DYNC1I1: variants seen among roughly 807,000 people sequenced by gnomAD.
DYNC1I1 encodes the protein dynein cytoplasmic 1 intermediate chain 1.
Under a neutral mutation model 86.6 loss-of-function variants are expected in DYNC1I1, and 43 were observed. The observed-to-expected ratio is 0.50, with a 90% confidence interval of 0.39 to 0.64. The LOEUF is 0.64. Among genes scored for constraint, DYNC1I1 ranks in the 30% least tolerant of loss-of-function variants. The pLI, the probability that DYNC1I1 is intolerant of heterozygous loss-of-function variation, is 0.00. For synonymous variants in DYNC1I1, 262 were observed against 283.7 expected (o/e 0.92, Z 0.77); for missense variants, 604 against 788.8 (o/e 0.77, Z 2.81).
chr7:95,952,524 C>G (rs772214402), intron 6 of DYNC1I1, among the ~76,000 whole-genome samples: 2 of 152,206 alleles, frequency 1.3e-5, no homozygotes, highest in Admixed American at 1.3e-4. Context: ...ACTTTACTAG[C>G]AAAACCTAAG....
chr7:95,844,358 A>G (rs564161179), intron 5 of DYNC1I1, among the ~76,000 whole-genome samples: 1 of 152,326 alleles, frequency 6.6e-6, no homozygotes, highest in African/African-American at 2.4e-5. Flanking sequence ...TCCTTCACAG[A>G]AGAAAGAACT....
intron 4 of DYNC1I1, among the ~76,000 whole-genome samples, chr7:95,816,159 A>G: frequency 6.6e-6 from 1 of 152,150 alleles, no homozygotes; most frequent in East Asian, 1.9e-4. Flanking sequence ...CTGGGACTAC[A>G]GCCATGCACC....
intron 6 of DYNC1I1, among the ~76,000 whole-genome samples, chr7:95,906,996 G>A (rs902959840): frequency 6.6e-6 from 1 of 152,116 alleles, no homozygotes; most frequent in African/African-American, 2.4e-5. Context: ...CAGAAATGTG[G>A]TTTCATAGTC....
At chr7:96,045,164 G>T (rs1241320797) in intron 14 of DYNC1I1, among the ~76,000 whole-genome samples, 1 of 152,178 alleles carries the variant, frequency 6.6e-6, no homozygotes, top group Admixed American at 6.5e-5. Flanking sequence ...GCCCCTATAA[G>T]ATCAAAGAAC....
chr7:95,792,912 G>A (rs1015833916), intron 1 of DYNC1I1, among the ~76,000 whole-genome samples: 3 of 152,066 alleles, frequency 2.0e-5, no homozygotes, highest in Admixed American at 6.6e-5. Flanking sequence ...CTTGGTATGC[G>A]CCAGTAAATT....
At chr7:95,879,537 T>G (rs1790396834) in intron 6 of DYNC1I1, among the ~76,000 whole-genome samples, 1 of 93,408 alleles carries the variant, frequency 1.1e-5, no homozygotes. Context: ...AATCAAAGAG[T>G]AAAAAGAGTC....
chr7:95,810,452 C>A lies in DYNC1I1; in HGVS notation c.169C>A (p.Arg57=), dbSNP rs1271483201. The part of the protein sequence containing the change: ...QDDSDLDRKR[R]ETEALLQSIG... ...CGACTCTGATCTGGATCGCAAACGACGAGAGACAGAGGCTTTGCTGCAAAG... is the reference window on the plus strand; with the variant it reads ...CGACTCTGATCTGGATCGCAAACGAAGAGAGACAGAGGCTTTGCTGCAAAG... The change falls in exon 3 of 17, where the codon CGA becomes AGA. Residue 57 remains arginine, a synonymous_variant. Coordinates refer to ENST00000447467, the MANE Select transcript of DYNC1I1 (RefSeq NM_001135556.2). 53 of 1,612,926 alleles carry A rather than the reference C, an allele frequency of 3.3e-5. No individual in the cohort carries two copies. Among genetic ancestry groups the A allele is most frequent in the Non-Finnish European group, 4.4e-5 (52 of 1,179,394 alleles).
rs560841892 is a variant in DYNC1I1, at chr7:96,042,598, AC to A, written c.1509+3179del. ...AAAGTTTTTGTCAAAGGACTTGGAA[AC>A]CAAGTTGAGTAAGCTTCTGTTGGCC... On this transcript the variant is annotated intron_variant, in intron 14 of 16. Coordinates refer to ENST00000447467, the MANE Select transcript of DYNC1I1 (RefSeq NM_001135556.2). Among the ~76,000 whole-genome samples, 12 of 152,330 alleles carry A rather than the reference AC, an allele frequency of 7.9e-5. No homozygotes were observed. In the South Asian group the frequency reaches 2.5e-3, roughly 32 times the overall value.
At chr7:95,831,416 A>G (rs1788897952) in intron 5 of DYNC1I1, among the ~76,000 whole-genome samples, 1 of 152,178 alleles carries the variant, frequency 6.6e-6, no homozygotes, top group Non-Finnish European at 1.5e-5. Flanking sequence ...TCTGTCACCT[A>G]GGCTGGAGTG....
At chr7:95,889,933 G>A (rs939539257) in intron 6 of DYNC1I1, among the ~76,000 whole-genome samples, 2 of 152,148 alleles carry the variant, frequency 1.3e-5, no homozygotes, top group Admixed American at 1.3e-4. Flanking sequence ...TTATTAAAAG[G>A]TCAAAAACTA....
At chr7:96,021,620 AT>A (rs1269419631) in intron 10 of DYNC1I1, among the ~76,000 whole-genome samples, 2 of 152,150 alleles carry the variant, frequency 1.3e-5, no homozygotes, top group African/African-American at 4.8e-5. Context: ...ATTCCAGAAC[AT>A]TTTTATCATC....
chr7:95,896,911 C>T (rs1790896593), intron 6 of DYNC1I1, among the ~76,000 whole-genome samples: 1 of 152,194 alleles, frequency 6.6e-6, no homozygotes, highest in Admixed American at 6.5e-5. Flanking sequence ...CCAAATATGT[C>T]AAATGTTAGT....
intron 6 of DYNC1I1, among the ~76,000 whole-genome samples, chr7:95,916,463 G>C (rs1175934111): frequency 1.3e-5 from 2 of 152,092 alleles, no homozygotes; most frequent in Non-Finnish European, 2.9e-5. Flanking sequence ...TTTAATATTT[G>C]AATATGTTTA....
At chr7:96,004,655 C>G (rs1794097682) in intron 10 of DYNC1I1, among the ~76,000 whole-genome samples, 1 of 150,726 alleles carries the variant, frequency 6.6e-6, no homozygotes, top group East Asian at 1.9e-4. Context: ...TGCACACACA[C>G]ACACACACAC....
intron 5 of DYNC1I1, among the ~76,000 whole-genome samples, chr7:95,859,592 C>G (rs938538348): frequency 6.6e-6 from 1 of 151,758 alleles, no homozygotes; most frequent in African/African-American, 2.4e-5. Context: ...GCGGCTTCAG[C>G]AGGCTGAAAG....
intron 6 of DYNC1I1, among the ~76,000 whole-genome samples, chr7:95,891,230 C>T (rs1029389401): frequency 6.6e-6 from 1 of 152,122 alleles, no homozygotes; most frequent in South Asian, 2.1e-4. Context: ...GATTTCTAGC[C>T]CCAAGACTAC....
At chr7:95,942,153 G>A (rs929414759) in intron 6 of DYNC1I1, among the ~76,000 whole-genome samples, 5 of 151,966 alleles carry the variant, frequency 3.3e-5, no homozygotes, top group Admixed American at 3.3e-4. Flanking sequence ...AAAGAGAGAA[G>A]AATCAAATAC....
chr7:96,082,281 T>A, intron 16 of DYNC1I1, among the ~76,000 whole-genome samples: 1 of 148,458 alleles, frequency 6.7e-6, no homozygotes. Context: ...AGGAGAATGT[T>A]AAAAAAAAAA....
intron 6 of DYNC1I1, among the ~76,000 whole-genome samples, chr7:95,936,286 T>G (rs1045511281): frequency 6.6e-6 from 1 of 152,026 alleles, no homozygotes; most frequent in African/African-American, 2.4e-5. Flanking sequence ...TTGGGAAAAC[T>G]AATGTCAAAA....
Sources: gnomAD v4.1 joint callset for allele counts (sites outside exome capture counted in the v4.1 genomes callset) on GRCh38, gnomAD v4.1.1 for gene constraint, MANE v1.5 for transcripts, NCBI Gene and HGNC (gene_info 2026-07-23, HGNC 2026-07-21) for gene names.